The following CNOT10 variants were observed in gnomAD, a reference collection of about 807,000 sequenced individuals.
CNOT10 encodes CCR4-NOT transcription complex, subunit 10.
A neutral mutation model predicts 94.6 loss-of-function variants in CNOT10; 30 were observed. The ratio of observed to expected loss-of-function variants is 0.32; its 90% CI spans 0.24 to 0.43. CNOT10 has a LOEUF of 0.43. Ranked by LOEUF, CNOT10 falls within the 20% of genes least tolerant of loss-of-function variation. CNOT10 has a pLI of 1.00. For missense variants in CNOT10, 759 were observed against 877.2 expected (o/e 0.87, Z 1.70); for synonymous variants, 289 against 301.6 (o/e 0.96, Z 0.43).
chr3:32,710,147 C>CAAA (rs68126514), intron 4 of CNOT10, among the ~76,000 whole-genome samples: 7 of 70,628 alleles, frequency 9.9e-5, no homozygotes, highest in Non-Finnish European at 1.5e-4. Flanking sequence ...AACTTGCTCT[C>CAAA]AAAAAAAAAA....
In CNOT10 at chr3:32,698,756, C is replaced by G. The variant is rs145077053; in HGVS notation, c.23-5112C>G. 1.8e-3 allele frequency among the ~76,000 whole-genome samples: 280 copies of G among 152,192 alleles called. 1 individual carries two copies. The highest frequency in any genetic ancestry group is 6.5e-3 in the African/African-American group (271 of 41,546). ...GCTGACATGTGCCAGGCTAGGACTT[C>G]CCAAAGTTAGTTCTGTTGACAACTG... On this transcript the variant is annotated intron_variant, in intron 1 of 18. Coordinates refer to ENST00000328834, the MANE Select transcript of CNOT10 (RefSeq NM_015442.3).
rs531870382 is a variant in CNOT10, at chr3:32,764,959, A to G, written c.2004+150A>G. 1.6e-4 allele frequency: 237 copies of G among 1,510,612 alleles called. 1 individual carries two copies. In the African/African-American group the frequency reaches 3.0e-3, roughly 19 times the overall value. 93.6% of individuals were successfully genotyped at this position (1,510,612 alleles called of 1,614,324 possible). On this transcript the variant is annotated intron_variant, in intron 17 of 18. Coordinates refer to ENST00000328834, the MANE Select transcript of CNOT10 (RefSeq NM_015442.3). ...AGATATAAAAATATTCTTGCAAGGT[A>G]AACAACTAATCAGCATTGTAAATGA...
At chr3:32,689,299 G>A (rs1177364010) in intron 1 of CNOT10, among the ~76,000 whole-genome samples, 1 of 150,354 alleles carries the variant, frequency 6.7e-6, no homozygotes, top group Non-Finnish European at 1.5e-5. Flanking sequence ...GTTGCAGTGA[G>A]CCAAGATCGT....
intron 13 of CNOT10, among the ~76,000 whole-genome samples, chr3:32,738,146 A>G (rs958164759): frequency 1.3e-5 from 2 of 152,146 alleles, no homozygotes; most frequent in Non-Finnish European, 2.9e-5. Context: ...ACTCATGGAC[A>G]CAAAGAGGGG....
chr3:32,685,231 G>A lies in CNOT10; in HGVS notation c.-230G>A, dbSNP rs1696544504. 3.9e-6 allele frequency: 2 copies of A among 508,848 alleles called. No homozygotes were observed. The highest frequency in any genetic ancestry group is 2.3e-5 in the South Asian group (1 of 44,012). 31.5% of individuals were successfully genotyped at this position (508,848 alleles called of 1,614,324 possible). On this transcript the variant is annotated 5_prime_UTR_variant, in exon 1 of 19. Coordinates refer to ENST00000328834, the MANE Select transcript of CNOT10 (RefSeq NM_015442.3). ...GTGAGGCGGAAGCTGTGTATGGCGG[G>A]AGGCTGTGGCGGTCCCTTGGTGGGG...
intron 1 of CNOT10, among the ~76,000 whole-genome samples, chr3:32,700,753 A>T (rs1268525194): frequency 6.6e-6 from 1 of 152,206 alleles, no homozygotes; most frequent in African/African-American, 2.4e-5. Context: ...GAAATTCTTT[A>T]AAGTCATACA....
chr3:32,733,577 AT>A, intron 11 of CNOT10, 33 bp downstream of exon 11: 1 of 1,332,754 alleles, frequency 7.5e-7, no homozygotes. Context: ...GTGTATATAT[AT>A]TTAATACTAG....
Position 32,724,063 on chromosome 3 carries a change from G to C in CNOT10, c.863-1387G>C, listed in dbSNP as rs138408800. ...CCACTGCACTGTAGGCTGGGCGATGGAATGAGACCCTGTCTCAGAGAAAGA... is the reference window on the plus strand; with the variant it reads ...CCACTGCACTGTAGGCTGGGCGATGCAATGAGACCCTGTCTCAGAGAAAGA... On this transcript the variant is annotated intron_variant, in intron 8 of 18. Coordinates refer to ENST00000328834, the MANE Select transcript of CNOT10 (RefSeq NM_015442.3). Among the ~76,000 whole-genome samples the C allele has an allele frequency of 4.6e-3, 707 of 152,152 alleles. 4 individuals carry two copies. The highest frequency in any genetic ancestry group is 8.2e-3 in the Non-Finnish European group (555 of 67,990).
chr3:32,764,535 C>T (rs1192515877), intron 16 of CNOT10, 45 bp downstream of exon 16: 3 of 1,605,590 alleles, frequency 1.9e-6, no homozygotes, highest in Non-Finnish European at 2.5e-6. Context: ...GGCCTGCATC[C>T]CAAAAATTTA....
intron 13 of CNOT10, among the ~76,000 whole-genome samples, chr3:32,739,062 G>A (rs984226485): frequency 4.6e-5 from 7 of 151,702 alleles, no homozygotes; most frequent in Non-Finnish European, 8.8e-5. Flanking sequence ...CTGCTAGCAC[G>A]CCTGGCTAAA....
chr3:32,759,487 T>C lies in CNOT10; in HGVS notation c.1625T>C (p.Val542Ala). 4 of 1,614,060 alleles carry C rather than the reference T, an allele frequency of 2.5e-6. No homozygotes were observed. The highest frequency in any genetic ancestry group is 1.7e-6 in the Non-Finnish European group (2 of 1,179,960). ...KCSILACSAY[V>A]ALALGDNLMA... is the part of the protein sequence containing the mutation. ...TCCATACTTGCTTGCAGTGCCTACG[T>C]GGCTCTGGCTTTGGGTGATAACCTC... The change falls in exon 14 of 19, where the codon GTG becomes GCG. Residue 542 changes from valine (V) to alanine (A), a missense_variant. This residue lies in a region of CNOT10 where 682 missense variants were observed against 799.4 expected (regional missense o/e 0.85). Coordinates refer to ENST00000328834, the MANE Select transcript of CNOT10 (RefSeq NM_015442.3).
chr3:32,718,690 C>G (rs1575234115), intron 7 of CNOT10, among the ~76,000 whole-genome samples: 1 of 151,446 alleles, frequency 6.6e-6, no homozygotes, highest in South Asian at 2.1e-4. Context: ...GCGAAAACTT[C>G]AGGAGGAATA....
In CNOT10 at chr3:32,753,403, G is replaced by A. The variant is rs1700050549; in HGVS notation, c.1596-6055G>A. On this transcript the variant is annotated intron_variant, in intron 13 of 18. Coordinates refer to ENST00000328834, the MANE Select transcript of CNOT10 (RefSeq NM_015442.3). ...AGAATGTTCAAAGAATGATGTAAAT[G>A]TGGAATTTTCAGAAAAGGAATTGTC... 6 of 1,438,112 alleles carry A rather than the reference G, an allele frequency of 4.2e-6. No individual in the cohort carries two copies. The South Asian group carries it at 5.7e-5, about 14-fold the overall frequency. 89.1% of individuals were successfully genotyped at this position (1,438,112 alleles called of 1,614,324 possible).
At chr3:32,769,259 C>A in intron 17 of CNOT10, 1 of 152,680 alleles carries the variant, frequency 6.5e-6, no homozygotes. Flanking sequence ...CAAAGAGGCC[C>A]AGACTGAGGA....
At chr3:32,708,920 C>T in intron 4 of CNOT10, 100 bp downstream of exon 4, 1 of 895,542 alleles carries the variant, frequency 1.1e-6, no homozygotes, top group South Asian at 2.2e-5. Context: ...AAGTCCATGC[C>T]AGTATTCAAA....
At chr3:32,759,601 G>T (rs1559515840) in intron 14 of CNOT10, 30 bp downstream of exon 14, 10 of 1,503,940 alleles carry the variant, frequency 6.6e-6, no homozygotes, top group Non-Finnish European at 9.2e-6. Context: ...TGTGTCCCTG[G>T]TTTCTTTAGT....
chr3:32,730,054 C>T (rs1698873525), intron 10 of CNOT10, among the ~76,000 whole-genome samples: 1 of 152,056 alleles, frequency 6.6e-6, no homozygotes, highest in Admixed American at 6.6e-5. Flanking sequence ...AGGCGTGAGC[C>T]ACCGCGCCCG....
In CNOT10 at chr3:32,734,783, G is replaced by C; in HGVS notation, c.1338-17G>C. On this transcript the variant is annotated splice_polypyrimidine_tract_variant and intron_variant, in intron 11 of 18. Coordinates refer to ENST00000328834, the MANE Select transcript of CNOT10 (RefSeq NM_015442.3). ...AATATTTTATCCACTTAGCTAATTT[G>C]GTTTTGTTCTTTTAAGTGATGGGCA... 1 of 1,546,370 alleles carries C rather than the reference G, an allele frequency of 6.5e-7. No individual in the cohort carries two copies. Among genetic ancestry groups the C allele is most frequent in the South Asian group, 1.2e-5 (1 of 80,872 alleles).
At chr3:32,719,989 A>G (rs13092303) in intron 7 of CNOT10, 125 bp from the exon 8 acceptor site, 478,491 of 479,906 alleles carry the variant, frequency 1, 238,564 homozygotes, top group Middle Eastern at 1. Flanking sequence ...AGACTATATA[A>G]TTTTTTGTGA....
Sources: gnomAD v4.1 joint callset for allele counts (sites outside exome capture counted in the v4.1 genomes callset) on GRCh38, gnomAD v4.1.1 for gene constraint, gnomAD v4.1.1 regional missense constraint, MANE v1.5 for transcripts, NCBI Gene and HGNC (gene_info 2026-07-23, HGNC 2026-07-21) for gene names.